Variants in TENM2 observed in about 807,000 individuals in gnomAD.
TENM2 encodes teneurin-2.
A neutral mutation model predicts 245.2 loss-of-function variants in TENM2; 52 were observed. The ratio of observed to expected loss-of-function variants is 0.21; its 90% CI spans 0.17 to 0.27. The LOEUF (loss-of-function observed/expected upper bound fraction) is 0.27, where lower values mean the gene tolerates loss of function less well. Ranked by LOEUF, TENM2 falls within the 10% of genes least tolerant of loss-of-function variation. The pLI is 1.00. For missense variants in TENM2, 3,046 were observed against 3,666.8 expected, an observed-to-expected ratio of 0.83 and a Z score of 4.37; for synonymous variants, 1,363 against 1,438.9, an observed-to-expected ratio of 0.95 and a Z score of 1.19.
the TENM2 span, among the ~76,000 whole-genome samples, chr5:167,043,149 A>G: frequency 6.6e-5 from 10 of 152,328 alleles, no homozygotes; most frequent in East Asian, 1.9e-3. Context: ...AGCTTAAAAC[A>G]AAAGGTTTTA....
At chr5:168,160,644 G>A (rs1450283162) in intron 12 of TENM2, among the ~76,000 whole-genome samples, 1 of 152,206 alleles carries the variant, frequency 6.6e-6, no homozygotes, top group Non-Finnish European at 1.5e-5. Context: ...AGCAAGCACT[G>A]AAGAGTGAAA....
chr5:167,531,728 T>C (rs1410750831), intron 2 of TENM2, among the ~76,000 whole-genome samples: 2 of 152,088 alleles, frequency 1.3e-5, no homozygotes, highest in Non-Finnish European at 2.9e-5. Flanking sequence ...GTGGCATTTG[T>C]CTTTCTGTGC....
chr5:167,487,195 T>G (rs1221022858), intron 2 of TENM2, among the ~76,000 whole-genome samples: 2 of 152,174 alleles, frequency 1.3e-5, no homozygotes, highest in Non-Finnish European at 2.9e-5. Flanking sequence ...TGGGTATTTG[T>G]GTCACTTTAG....
intron 1 of TENM2, among the ~76,000 whole-genome samples, chr5:167,350,763 GATAT>G (rs1244103717): frequency 1.8e-4 from 22 of 120,436 alleles, no homozygotes; most frequent in African/African-American, 7.2e-4. Flanking sequence ...TATACATATG[GATAT>G]ATATATATGG....
At chr5:168,105,527 T>A (rs1235291528) in intron 9 of TENM2, among the ~76,000 whole-genome samples, 2 of 152,192 alleles carry the variant, frequency 1.3e-5, no homozygotes, top group African/African-American at 4.8e-5. Flanking sequence ...CTGTAAGGCA[T>A]CATGAACATT....
chr5:167,754,199 G>A (rs1052168316), intron 2 of TENM2, among the ~76,000 whole-genome samples: 3 of 152,170 alleles, frequency 2.0e-5, no homozygotes, highest in African/African-American at 7.2e-5. Flanking sequence ...CCTTGTGTGA[G>A]TGTTGGAGAG....
intron 2 of TENM2, among the ~76,000 whole-genome samples, chr5:167,770,239 T>C (rs773341388): frequency 7.2e-5 from 11 of 152,154 alleles, no homozygotes; most frequent in South Asian, 2.1e-4. Context: ...TGGGAATCAA[T>C]TGGGCAGAAC....
intron 2 of TENM2, among the ~76,000 whole-genome samples, chr5:167,602,787 A>G (rs1228309107): frequency 6.6e-6 from 1 of 152,214 alleles, no homozygotes; most frequent in Non-Finnish European, 1.5e-5. Context: ...TGGAGCATGG[A>G]AGGAGACTGA....
chr5:167,407,298 T>C (rs1015757350), intron 2 of TENM2, among the ~76,000 whole-genome samples: 3 of 152,158 alleles, frequency 2.0e-5, no homozygotes, highest in Non-Finnish European at 4.4e-5. Flanking sequence ...TATAGATACC[T>C]GTATCTATGT....
the TENM2 span, among the ~76,000 whole-genome samples, chr5:167,088,859 T>G: frequency 1.5e-4 from 23 of 152,234 alleles, no homozygotes; most frequent in Admixed American, 1.3e-3. Flanking sequence ...TCGATAAAAG[T>G]GAGACTTGGA....
At chr5:167,046,216 C>G in the TENM2 span, among the ~76,000 whole-genome samples, 1 of 152,130 alleles carries the variant, frequency 6.6e-6, no homozygotes, top group Non-Finnish European at 1.5e-5. Context: ...CACCTCTCCT[C>G]CTGCCCATAC....
At chr5:167,803,647 T>C (rs907009395) in intron 2 of TENM2, among the ~76,000 whole-genome samples, 2 of 152,050 alleles carry the variant, frequency 1.3e-5, no homozygotes, top group African/African-American at 2.4e-5. Context: ...ATAAATACTT[T>C]GATTCAGAGG....
intron 2 of TENM2, among the ~76,000 whole-genome samples, chr5:167,488,187 T>C (rs1002902292): frequency 4.6e-5 from 7 of 152,218 alleles, no homozygotes; most frequent in Admixed American, 1.3e-4. Flanking sequence ...GCATAGTGTG[T>C]ACTGCTCTAT....
intron 2 of TENM2, among the ~76,000 whole-genome samples, chr5:167,584,929 T>C (rs1775379077): frequency 6.6e-6 from 1 of 152,206 alleles, no homozygotes; most frequent in South Asian, 2.1e-4. Context: ...AGGAGCCATG[T>C]GTGTCTAGCT....
At chr5:167,768,712 C>T (rs190824282) in intron 2 of TENM2, among the ~76,000 whole-genome samples, 3 of 152,246 alleles carry the variant, frequency 2.0e-5, no homozygotes, top group Admixed American at 6.5e-5. Flanking sequence ...CTCAGTGTCC[C>T]TCTTCTATAA....
chr5:167,759,742 A>G (rs1394754647), intron 2 of TENM2, among the ~76,000 whole-genome samples: 1 of 152,132 alleles, frequency 6.6e-6, no homozygotes, highest in African/African-American at 2.4e-5. Context: ...GGAGGAGGCC[A>G]TGGAAGCTGT....
At chr5:167,434,238 G>A (rs1325350229) in intron 2 of TENM2, among the ~76,000 whole-genome samples, 1 of 151,746 alleles carries the variant, frequency 6.6e-6, no homozygotes, top group African/African-American at 2.4e-5. Flanking sequence ...TGGCCAACAT[G>A]GAGAAACTCC....
intron 28 of TENM2, among the ~76,000 whole-genome samples, chr5:168,261,716 C>A (rs1768201754): frequency 6.6e-6 from 1 of 152,182 alleles, no homozygotes; most frequent in Non-Finnish European, 1.5e-5. Context: ...GGGCACTTCC[C>A]GAGTGGTGGC....
chr5:168,223,106 G>A (rs1364902313), intron 23 of TENM2, among the ~76,000 whole-genome samples: 1 of 152,192 alleles, frequency 6.6e-6, no homozygotes, highest in Admixed American at 6.5e-5. Context: ...AAGTAGAGCT[G>A]GAGGCAGCCG....
Sources: allele counts gnomAD v4.1 joint callset (sites outside exome capture counted in the v4.1 genomes callset), GRCh38; gene constraint gnomAD v4.1.1; transcripts MANE v1.5; gene names NCBI Gene and HGNC (gene_info 2026-07-23, HGNC 2026-07-21).